CSF3R: variants seen among roughly 807,000 people sequenced by gnomAD.
CSF3R encodes the protein colony stimulating factor 3 receptor.
In CSF3R, 52 loss-of-function variants were observed where a neutral mutation model predicts 84.4. The observed-to-expected ratio is 0.62, with a 90% CI of 0.49 to 0.78. The LOEUF is 0.78. Ranked by LOEUF, CSF3R falls within the 30% of genes least tolerant of loss-of-function variation. The pLI, the probability that CSF3R is intolerant of heterozygous loss-of-function variation, is 0.00. For synonymous variants in CSF3R, 384 were observed against 429.1 expected, an observed-to-expected ratio of 0.89 and a Z score of 1.30; for missense variants, 890 against 1,055.7, an observed-to-expected ratio of 0.84 and a Z score of 2.17.
At chr1:36,474,997 C>CTTTTTTTTTT (rs370292260) in intron 4 of CSF3R, among the ~76,000 whole-genome samples, 1 of 147,468 alleles carries the variant, frequency 6.8e-6, no homozygotes. Context: ...AGGTAGTACT[C>CTTTTTTTTTT]TTTTTTTTTT....
Position 36,472,718 on chromosome 1 carries a change from C to T in CSF3R, c.674-32G>A. On this transcript the variant is annotated intron_variant, in intron 6 of 16. Coordinates refer to ENST00000373106, the MANE Select transcript of CSF3R (RefSeq NM_000760.4). This position sits in a 1 kb window ranked among gnomAD's most constrained non-coding sequence, Gnocchi z 5.0. ...GGAGTGGGGCTGTCAGAAGGTCTCC[C>T]TATCCCACCCTAGAGGGCTCTGCCT... The T allele has an allele frequency of 1.3e-6, 2 of 1,541,110 alleles. No homozygotes were observed. Among genetic ancestry groups the T allele is most frequent in the Non-Finnish European group, 1.8e-6 (2 of 1,140,790 alleles).
At chr1:36,469,473 A>C (rs780350557) in intron 11 of CSF3R, among the ~76,000 whole-genome samples, 179 bp downstream of exon 11, 3 of 152,224 alleles carry the variant, frequency 2.0e-5, no homozygotes, top group Non-Finnish European at 4.4e-5. Flanking sequence ...AAAAAGGATC[A>C]GGTTAGACTG....
At chr1:36,475,990 C>T (rs142321695) in intron 3 of CSF3R, 11 of 293,450 alleles carry the variant, frequency 3.7e-5, no homozygotes, top group African/African-American at 1.5e-4. Context: ...CATCATTGAT[C>T]GGGGAGTTGG....
At chr1:36,469,301 C>A (rs765828406) in intron 11 of CSF3R, 44 bp from the exon 12 acceptor site, 3 of 1,469,392 alleles carry the variant, frequency 2.0e-6, no homozygotes, top group Non-Finnish European at 2.9e-6. Context: ...AGGGCCTAAC[C>A]TGTGCTAATG....
chr1:36,468,254 G>C, intron 12 of CSF3R, 33 bp from the exon 13 acceptor site: 1 of 1,540,716 alleles, frequency 6.5e-7, no homozygotes, highest in Non-Finnish European at 8.7e-7. Context: ...GGGCTGAAGG[G>C]AGTGGGGCAG....
chr1:36,480,538 C>T (rs1323878302), intron 2 of CSF3R, among the ~76,000 whole-genome samples: 1 of 152,128 alleles, frequency 6.6e-6, no homozygotes, highest in Non-Finnish European at 1.5e-5. Flanking sequence ...CACCCTGCTC[C>T]CATTGGGGTC....
intron 2 of CSF3R, among the ~76,000 whole-genome samples, chr1:36,481,216 AT>A (rs1414477979): frequency 2.0e-5 from 3 of 152,078 alleles, no homozygotes; most frequent in Non-Finnish European, 4.4e-5. Flanking sequence ...GTACCACCCT[AT>A]CCGCCTCCAC....
In CSF3R at chr1:36,468,228, G is replaced by T; in HGVS notation, c.1577-7C>A. Reference sequence around the variant, plus strand: ...TCTGGGGCATGGGAGGGAGCTATGGGAAGAGAGAGGTGCGGGGGCTGAAGG... The same window carrying T: ...TCTGGGGCATGGGAGGGAGCTATGGTAAGAGAGAGGTGCGGGGGCTGAAGG... On this transcript the variant is annotated splice_region_variant and splice_polypyrimidine_tract_variant and intron_variant, in intron 12 of 16. Coordinates refer to ENST00000373106, the MANE Select transcript of CSF3R (RefSeq NM_000760.4). 1 of 1,572,052 alleles carries T rather than the reference G, an allele frequency of 6.4e-7. No individual in the cohort carries two copies. The highest frequency in any genetic ancestry group is 1.4e-5 in the African/African-American group (1 of 74,038).
Position 36,475,561 on chromosome 1 carries a change from T to G in CSF3R, c.177A>C (p.Pro59=). The G allele has an allele frequency of 1.2e-6, 2 of 1,613,892 alleles. No individual in the cohort carries two copies. The highest frequency in any genetic ancestry group is 1.7e-6 in the Non-Finnish European group (2 of 1,179,804). ...CTGCTCCCAGTCTCCACAGAATCTGTGGCTCCGGGTCCAGATGGCTGCAGT... is the reference window on the plus strand; with the variant it reads ...CTGCTCCCAGTCTCCACAGAATCTGGGGCTCCGGGTCCAGATGGCTGCAGT... The part of the protein sequence containing the change: ...KQNCSHLDPE[P]QILWRLGAEL... The change falls in exon 4 of 17, where the codon CCA becomes CCC. Residue 59 remains proline (P), a synonymous_variant. Coordinates refer to ENST00000373106, the MANE Select transcript of CSF3R (RefSeq NM_000760.4).
chr1:36,467,776 G>T lies in CSF3R; in HGVS notation c.1864+46C>A. On this transcript the variant is annotated intron_variant, in intron 14 of 16. Transcript: ENST00000373106. The surrounding 1 kb of genome is among the most constrained non-coding windows in gnomAD (Gnocchi z 4.1). ...TCAAAATCAGCATCCTTTGGGTGGG[G>T]TACCCTCCAAACAGCCATCTCTGCC... 6.2e-7 allele frequency: 1 copy of T among 1,614,080 alleles called. No individual in the cohort carries two copies. The highest frequency in any genetic ancestry group is 8.5e-7 in the Non-Finnish European group (1 of 1,179,920).
chr1:36,479,415 A>G lies in CSF3R; in HGVS notation c.64+18T>C, dbSNP rs1014267878. 3.7e-6 allele frequency: 6 copies of G among 1,613,842 alleles called. No homozygotes were observed. Among genetic ancestry groups the G allele is most frequent in the South Asian group, 1.1e-5 (1 of 91,074 alleles). On this transcript the variant is annotated intron_variant, in intron 3 of 16. Coordinates refer to ENST00000373106, the MANE Select transcript of CSF3R (RefSeq NM_000760.4). ...AGCTTCCCCTCCCCACTGCACCCTCATCCTTGGCCATACTCACTTCCGGGG... is the reference window on the plus strand; with the variant it reads ...AGCTTCCCCTCCCCACTGCACCCTCGTCCTTGGCCATACTCACTTCCGGGG...
At chr1:36,482,644 T>C (rs571616416) in intron 1 of CSF3R, among the ~76,000 whole-genome samples, 167 bp downstream of exon 1, 2 of 152,174 alleles carry the variant, frequency 1.3e-5, no homozygotes, top group Admixed American at 1.3e-4. Flanking sequence ...GGGCATCCTG[T>C]GAAAAGAGAC....
chr1:36,476,532 C>T (rs1042776007), intron 3 of CSF3R, among the ~76,000 whole-genome samples: 7 of 152,206 alleles, frequency 4.6e-5, no homozygotes, highest in African/African-American at 1.4e-4. Flanking sequence ...CAGCTTATAC[C>T]GGTCTCTCAG....
At position 36,467,701 on chromosome 1, in the gene CSF3R, TG is replaced by T. The variant is rs1328105535; in HGVS notation, c.1865-51del. On this transcript the variant is annotated intron_variant, in intron 14 of 16. Coordinates refer to ENST00000373106, the MANE Select transcript of CSF3R (RefSeq NM_000760.4). The surrounding 1 kb of genome is among the most constrained non-coding windows in gnomAD (Gnocchi z 4.1). Reference sequence around the variant, plus strand: ...AAGTTAGAATGCATGTTGGGAAGGCTGGGTCTCCTCCCTCCGACCAGGGGAT... The same window carrying T: ...AAGTTAGAATGCATGTTGGGAAGGCTGGTCTCCTCCCTCCGACCAGGGGAT... 4 of 1,611,348 alleles carry T rather than the reference TG, an allele frequency of 2.5e-6. No homozygotes were observed. In the African/African-American group the frequency reaches 4.0e-5, roughly 16 times the overall value.
At position 36,472,013 on chromosome 1, in the gene CSF3R, G is replaced by C; in HGVS notation, c.1071+53C>G. ...CCTAAGCCCCGGTTTGTAGGGATCT[G>C]TTTGGACTGCGGGAGGTGTCGAGGT... On this transcript the variant is annotated intron_variant, in intron 9 of 16. Transcript: ENST00000373106. The surrounding 1 kb of genome is among the most constrained non-coding windows in gnomAD (Gnocchi z 5.0). 1 of 1,572,016 alleles carries C rather than the reference G, an allele frequency of 6.4e-7. No homozygotes were observed. The highest frequency in any genetic ancestry group is 1.1e-5 in the South Asian group (1 of 90,030).
At chr1:36,480,653 G>A (rs976438113) in intron 2 of CSF3R, among the ~76,000 whole-genome samples, 41 of 152,344 alleles carry the variant, frequency 2.7e-4, no homozygotes, top group African/African-American at 8.9e-4. Context: ...CATACACGCA[G>A]GTGGTGTCCC....
chr1:36,469,074 A>G (rs1650532104), intron 12 of CSF3R, 82 bp downstream of exon 12: 1 of 1,011,690 alleles, frequency 9.9e-7, no homozygotes. Flanking sequence ...AATGTTCCCT[A>G]TACTTCTGAT....
At chr1:36,470,611 C>A (rs1023035216) in intron 10 of CSF3R, among the ~76,000 whole-genome samples, 3 of 152,218 alleles carry the variant, frequency 2.0e-5, no homozygotes, top group African/African-American at 7.2e-5. Context: ...TAAGATCACA[C>A]AGCTAGTAAG....
chr1:36,469,309 A>G (rs1557589447), intron 11 of CSF3R, 52 bp from the exon 12 acceptor site: 2 of 1,403,870 alleles, frequency 1.4e-6, no homozygotes, highest in Non-Finnish European at 2.0e-6. Flanking sequence ...ACCTGTGCTA[A>G]TGATCAGGAG....
Sources: allele counts gnomAD v4.1 joint callset (sites outside exome capture counted in the v4.1 genomes callset), GRCh38; gene constraint gnomAD v4.1.1; non-coding constraint Gnocchi (gnomAD v3.1); transcripts MANE v1.5; gene names NCBI Gene and HGNC (gene_info 2026-07-23, HGNC 2026-07-21).